The following CTNND2 variants were observed in gnomAD, a reference collection of about 807,000 sequenced individuals.
CTNND2 encodes the protein catenin delta-2.
Under a neutral mutation model 144.4 loss-of-function variants are expected in CTNND2, and 22 were observed. The ratio of observed to expected loss-of-function variants is 0.15; its 90% CI spans 0.11 to 0.22. CTNND2 has a LOEUF of 0.22. CTNND2 is among the 10% of genes least tolerant of loss of function. The pLI, the probability that CTNND2 is intolerant of heterozygous loss-of-function variation, is 1.00. For synonymous variants in CTNND2, 751 were observed against 695.6 expected (o/e 1.08, Z -1.25); for missense variants, 1,353 against 1,618.8 (o/e 0.84, Z 2.82).
intron 11 of CTNND2, among the ~76,000 whole-genome samples, chr5:11,174,229 A>C (rs562126164): frequency 6.6e-6 from 1 of 152,192 alleles, no homozygotes; most frequent in Non-Finnish European, 1.5e-5. Context: ...AGCTGGGTGC[A>C]TGAGTTGAGT....
At chr5:11,301,016 T>C (rs1378183828) in intron 9 of CTNND2, among the ~76,000 whole-genome samples, 2 of 152,086 alleles carry the variant, frequency 1.3e-5, no homozygotes. Context: ...TCTGCTTTCT[T>C]TTTTGAGACG....
At position 11,564,997 on chromosome 5, in the gene CTNND2, G is replaced by C; in HGVS notation, c.234C>G (p.Ser78Arg). The C allele has an allele frequency of 1.9e-6, 3 of 1,614,086 alleles. No homozygotes were observed. Among genetic ancestry groups the C allele is most frequent in the Non-Finnish European group, 2.5e-6 (3 of 1,179,966 alleles). ...ATCCGAGCTTGCATCGCTCCAGCTG[G>C]CTGGCTACGATCTGCCGTTCAGCCT... The part of the protein sequence containing the change: ...ELEAERQIVA[S>R]QLERCKLGSE... Residue 78 changes from serine to arginine, a missense_variant, in exon 3 of 22, where the codon AGC (serine) becomes AGG (arginine). By Grantham distance (110) the Ser-to-Arg change is moderately radical. This residue lies in a region of CTNND2 where 708 missense variants were observed against 706.4 expected (regional missense o/e 1.00). Coordinates refer to ENST00000304623, the MANE Select transcript of CTNND2 (RefSeq NM_001332.4).
chr5:11,539,597 A>C (rs1242541081), intron 3 of CTNND2, among the ~76,000 whole-genome samples: 1 of 152,186 alleles, frequency 6.6e-6, no homozygotes, highest in Non-Finnish European at 1.5e-5. Context: ...TTCTCTTGTG[A>C]CGTTTATGCA....
chr5:11,254,782 G>C (rs1369555194), intron 9 of CTNND2, among the ~76,000 whole-genome samples: 1 of 152,178 alleles, frequency 6.6e-6, no homozygotes, highest in East Asian at 1.9e-4. Flanking sequence ...TTATAATGCA[G>C]GGCAGCCTCC....
rs1742432481 is a variant in CTNND2 at position 11,022,983 on chromosome 5, G to A, written c.2789-4C>T. ...AGGTCTCGCATGGCGTATTTGCCTG[G>A]AAAAGAAAATAAAGAGAAGAGTTGA... On this transcript the variant is annotated splice_polypyrimidine_tract_variant and splice_region_variant and intron_variant, in intron 16 of 21. Transcript: ENST00000304623. 1 of 1,613,894 alleles carries A rather than the reference G, an allele frequency of 6.2e-7. No homozygotes were observed. The highest frequency in any genetic ancestry group is 8.5e-7 in the Non-Finnish European group (1 of 1,179,830).
At chr5:11,642,826 T>C (rs1387624093) in intron 2 of CTNND2, among the ~76,000 whole-genome samples, 1 of 152,248 alleles carries the variant, frequency 6.6e-6, no homozygotes, top group Non-Finnish European at 1.5e-5. Flanking sequence ...GAATTCTTTT[T>C]AGTCTAAATG....
At chr5:11,344,148 T>C (rs1000200122) in intron 9 of CTNND2, among the ~76,000 whole-genome samples, 1 of 152,326 alleles carries the variant, frequency 6.6e-6, no homozygotes, top group East Asian at 1.9e-4. Flanking sequence ...CTCACGCCTG[T>C]AATCCCAGCA....
At chr5:11,026,356 CTT>C (rs67196223) in intron 16 of CTNND2, among the ~76,000 whole-genome samples, 10 of 117,038 alleles carry the variant, frequency 8.5e-5, no homozygotes, top group African/African-American at 9.4e-5. Flanking sequence ...CCTTCTTCTT[CTT>C]TTTTTTTTTT....
At chr5:11,082,435 G>A (rs969123691) in intron 16 of CTNND2, among the ~76,000 whole-genome samples, 1 of 152,158 alleles carries the variant, frequency 6.6e-6, no homozygotes, top group African/African-American at 2.4e-5. Flanking sequence ...TTGAGACAAC[G>A]GTATCCTGTG....
intron 2 of CTNND2, among the ~76,000 whole-genome samples, chr5:11,585,572 G>A (rs1172520931): frequency 6.6e-6 from 1 of 151,784 alleles, no homozygotes; most frequent in Non-Finnish European, 1.5e-5. Flanking sequence ...CACAGCCTAA[G>A]TGCTAGAAAT....
At chr5:11,476,419 A>T (rs1421200251) in intron 3 of CTNND2, among the ~76,000 whole-genome samples, 1 of 152,160 alleles carries the variant, frequency 6.6e-6, no homozygotes, top group Non-Finnish European at 1.5e-5. Flanking sequence ...ATTATTATTC[A>T]CATTTTTAGA....
At chr5:11,168,824 A>C (rs865841471) in intron 11 of CTNND2, among the ~76,000 whole-genome samples, 4 of 152,074 alleles carry the variant, frequency 2.6e-5, no homozygotes, top group Non-Finnish European at 4.4e-5. Flanking sequence ...GGAGAGAGAG[A>C]AAGTGAAAGA....
At chr5:11,655,420 C>T (rs2126549755) in intron 2 of CTNND2, among the ~76,000 whole-genome samples, 1 of 152,144 alleles carries the variant, frequency 6.6e-6, no homozygotes, top group East Asian at 1.9e-4. Flanking sequence ...TTCGTCAAGA[C>T]AGCATTACAT....
intron 9 of CTNND2, among the ~76,000 whole-genome samples, chr5:11,310,945 C>T (rs1750745356): frequency 6.7e-6 from 1 of 148,824 alleles, no homozygotes; most frequent in Admixed American, 6.7e-5. Flanking sequence ...TGCACTCACA[C>T]TCCCTATGCA....
At chr5:11,740,261 G>A (rs1787926532) in intron 1 of CTNND2, among the ~76,000 whole-genome samples, 1 of 152,126 alleles carries the variant, frequency 6.6e-6, no homozygotes, top group African/African-American at 2.4e-5. Flanking sequence ...AACAAAGCTG[G>A]AGGCATCACA....
intron 9 of CTNND2, among the ~76,000 whole-genome samples, chr5:11,321,981 C>A (rs563151554): frequency 6.6e-6 from 1 of 152,130 alleles, no homozygotes; most frequent in Non-Finnish European, 1.5e-5. Context: ...AAATGGAAAG[C>A]CCTGGGGAGC....
intron 2 of CTNND2, among the ~76,000 whole-genome samples, chr5:11,707,969 G>T (rs1302747586): frequency 6.6e-6 from 1 of 152,020 alleles, no homozygotes; most frequent in Non-Finnish European, 1.5e-5. Flanking sequence ...GCTAATTGTA[G>T]GATATTAGCT....
At chr5:11,253,433 T>C (rs1580716970) in intron 9 of CTNND2, among the ~76,000 whole-genome samples, 1 of 152,216 alleles carries the variant, frequency 6.6e-6, no homozygotes, top group African/African-American at 2.4e-5. Context: ...TCCCCCATAC[T>C]ATTTTCATGC....
chr5:11,273,743 T>C (rs1746251482), intron 9 of CTNND2, among the ~76,000 whole-genome samples: 1 of 152,164 alleles, frequency 6.6e-6, no homozygotes, highest in East Asian at 1.9e-4. Context: ...GGCAACCTCA[T>C]GTTTATTGCA....
Sources: allele counts gnomAD v4.1 joint callset (sites outside exome capture counted in the v4.1 genomes callset), GRCh38; gene constraint gnomAD v4.1.1; regional missense constraint gnomAD v4.1.1; transcripts MANE v1.5; gene names NCBI Gene and HGNC (gene_info 2026-07-23, HGNC 2026-07-21).